Variants in MPPED1 observed in about 807,000 individuals in gnomAD.
MPPED1 encodes the protein metallophosphoesterase domain containing 1, also known as metallophosphoesterase domain-containing protein 1.
Under a neutral mutation model 36.2 loss-of-function variants are expected in MPPED1, and 16 were observed. The observed-to-expected ratio is 0.44, with a 90% CI of 0.30 to 0.67. The LOEUF is 0.67. Ranked by LOEUF, MPPED1 falls within the 30% of genes least tolerant of loss-of-function variation. The probability of loss-of-function intolerance (pLI) is 0.10; values close to 1 mark genes in which losing one functional copy is unlikely to be tolerated. For synonymous variants in MPPED1, 199 were observed against 191.3 expected, an observed-to-expected ratio of 1.04 and a Z score of -0.33; for missense variants, 307 against 453.4, an observed-to-expected ratio of 0.68 and a Z score of 2.93.
rs1929129143 is a variant in MPPED1 at position 43,417,859 on chromosome 22, A to G, written c.-79+5701A>G. The G allele has an allele frequency of 1.1e-5, 4 of 357,326 alleles. No individual in the cohort carries two copies. In the East Asian group the frequency reaches 3.0e-4, roughly 26 times the overall value. The allele number at this position is 357,326 out of a possible 1,614,324, so 22.1% of individuals were successfully genotyped here. On this transcript the variant is annotated intron_variant, in intron 1 of 6. Coordinates refer to ENST00000443721, the MANE Select transcript of MPPED1 (RefSeq NM_001044370.2). Reference sequence around the variant, plus strand: ...TATTCAGTCGCTCCTACTCTCAGTTAAAGGCCCCAAGAGGAGACGGAGCCA... The same window carrying G: ...TATTCAGTCGCTCCTACTCTCAGTTGAAGGCCCCAAGAGGAGACGGAGCCA...
At chr22:43,435,318 GC>G in intron 3 of MPPED1, 103 bp downstream of exon 3, 1 of 1,332,850 alleles carries the variant, frequency 7.5e-7, no homozygotes, top group Non-Finnish European at 1.0e-6. Flanking sequence ...CGCTGCCCGG[GC>G]CCCCTCCTTG....
chr22:43,413,008 A>G (rs1189727075), intron 1 of MPPED1, among the ~76,000 whole-genome samples: 1 of 152,164 alleles, frequency 6.6e-6, no homozygotes, highest in African/African-American at 2.4e-5. Context: ...CTCCGGGCTC[A>G]AGCTGGGTGG....
chr22:43,486,869 T>A (rs1363867871), intron 4 of MPPED1, among the ~76,000 whole-genome samples: 2 of 152,018 alleles, frequency 1.3e-5, no homozygotes, highest in Non-Finnish European at 2.9e-5. Flanking sequence ...CCGGTGCAGG[T>A]TCATGGGAGA....
chr22:43,495,425 GA>G, intron 4 of MPPED1, among the ~76,000 whole-genome samples: 1 of 150,862 alleles, frequency 6.6e-6, no homozygotes, highest in Admixed American at 6.6e-5. Context: ...GGTGGTGGTG[GA>G]GGAGGAGGTA....
intron 3 of MPPED1, among the ~76,000 whole-genome samples, chr22:43,441,755 A>G (rs186851607): frequency 3.1e-4 from 47 of 152,338 alleles, no homozygotes; most frequent in Middle Eastern, 3.4e-3. Flanking sequence ...ATTAAAATCC[A>G]TGAGGGAGGA....
At chr22:43,420,739 C>A (rs1465986987) in intron 1 of MPPED1, among the ~76,000 whole-genome samples, 2 of 152,170 alleles carry the variant, frequency 1.3e-5, no homozygotes, top group African/African-American at 4.8e-5. Context: ...TTAGTCAAAC[C>A]ATCACCCTGT....
chr22:43,476,983 C>T (rs1219845462), intron 4 of MPPED1, among the ~76,000 whole-genome samples: 1 of 152,110 alleles, frequency 6.6e-6, no homozygotes, highest in Non-Finnish European at 1.5e-5. Flanking sequence ...CTGTGCCATG[C>T]CAGGGAGTGG....
intron 4 of MPPED1, among the ~76,000 whole-genome samples, chr22:43,497,929 G>A (rs867696907): frequency 8.2e-5 from 4 of 48,754 alleles, no homozygotes; most frequent in Non-Finnish European, 1.6e-4. Context: ...ATATATATAT[G>A]TATATGTATA....
rs768499601 is a variant in MPPED1 at position 43,434,991 on chromosome 22, G to A, written c.225-43G>A. 3.8e-6 allele frequency: 6 copies of A among 1,596,666 alleles called. No homozygotes were observed. The Admixed American group carries it at 8.4e-5, about 22-fold the overall frequency. On this transcript the variant is annotated intron_variant, in intron 2 of 6. Transcript: ENST00000443721. ...GCAGACACACCACCCGCAGGCTCGCGGCTCCATGGCCTCCTGATCCGCAGT... is the reference window on the plus strand; with the variant it reads ...GCAGACACACCACCCGCAGGCTCGCAGCTCCATGGCCTCCTGATCCGCAGT...
intron 2 of MPPED1, among the ~76,000 whole-genome samples, chr22:43,430,762 G>A (rs1428418278): frequency 6.6e-6 from 1 of 152,076 alleles, no homozygotes; most frequent in Non-Finnish European, 1.5e-5. Flanking sequence ...GTCACAAAGT[G>A]TTGAGATTAG....
intron 1 of MPPED1, among the ~76,000 whole-genome samples, chr22:43,421,270 T>C (rs1029210046): frequency 6.6e-6 from 1 of 152,254 alleles, no homozygotes; most frequent in African/African-American, 2.4e-5. Flanking sequence ...TGCGGCTCCA[T>C]AAATATTAAA....
intron 1 of MPPED1, among the ~76,000 whole-genome samples, chr22:43,412,360 A>AG (rs573686837): frequency 1.1e-3 from 168 of 151,286 alleles, no homozygotes; most frequent in African/African-American, 3.6e-3. Flanking sequence ...CGGCGGCGGG[A>AG]GGGGGCTCCG....
intron 2 of MPPED1, among the ~76,000 whole-genome samples, chr22:43,432,815 A>AGAGAGAGAAAGGGAG: frequency 1.9e-5 from 2 of 105,350 alleles, no homozygotes; most frequent in African/African-American, 8.1e-5. Context: ...AAGGGAGGAG[A>AGAGAGAGAAAGGGAG]GAGAGAGAAA....
At chr22:43,436,777 G>A (rs998112169) in intron 3 of MPPED1, among the ~76,000 whole-genome samples, 1 of 152,268 alleles carries the variant, frequency 6.6e-6, no homozygotes, top group Non-Finnish European at 1.5e-5. Flanking sequence ...CCCCCGCTGT[G>A]TGCCAGGCAC....
At chr22:43,419,640 C>T (rs1929193686) in intron 1 of MPPED1, among the ~76,000 whole-genome samples, 1 of 150,620 alleles carries the variant, frequency 6.6e-6, no homozygotes, top group African/African-American at 2.5e-5. Context: ...GGGAATGGCA[C>T]GGGCAGAGGT....
In MPPED1 at chr22:43,495,515, G is replaced by A. The variant is rs1187707483; in HGVS notation, c.633-2720G>A. 1.1e-3 allele frequency among the ~76,000 whole-genome samples: 140 copies of A among 127,058 alleles called. 1 individual carries two copies. Among genetic ancestry groups the A allele is most frequent in the East Asian group, 2.4e-3 (9 of 3,720 alleles). The allele number at this position is 127,058 out of a possible 152,430, so 83.4% of individuals were successfully genotyped here. ...GGTAGTGGTGGTGGAGGTGGTGGTGGTGGTGGAGGTGGTGGTGGTGGAGAT... is the reference window on the plus strand; with the variant it reads ...GGTAGTGGTGGTGGAGGTGGTGGTGATGGTGGAGGTGGTGGTGGTGGAGAT... On this transcript the variant is annotated intron_variant, in intron 4 of 6. Transcript: ENST00000443721.
Position 43,448,180 on chromosome 22 carries a change from C to T in MPPED1, c.406+12965C>T, listed in dbSNP as rs145423554. ...CTGGGATTACAGGCGTAAGCCACTG[C>T]GCCCATCCTGGGAATCACACTTTGA... On this transcript the variant is annotated intron_variant, in intron 3 of 6. Transcript: ENST00000443721. 1.6e-3 allele frequency among the ~76,000 whole-genome samples: 240 copies of T among 152,192 alleles called. 1 individual carries two copies. Among genetic ancestry groups the T allele is most frequent in the African/African-American group, 5.0e-3 (209 of 41,522 alleles).
intron 2 of MPPED1, among the ~76,000 whole-genome samples, chr22:43,430,687 T>G (rs972870050): frequency 6.6e-6 from 1 of 152,122 alleles, no homozygotes; most frequent in South Asian, 2.1e-4. Flanking sequence ...CTTCCACGTC[T>G]TATCTCTGGT....
At chr22:43,495,710 G>A (rs1284157560) in intron 4 of MPPED1, among the ~76,000 whole-genome samples, 19 of 54,898 alleles carry the variant, frequency 3.5e-4, no homozygotes, top group Non-Finnish European at 4.7e-4. Flanking sequence ...GGTGATGGAG[G>A]TGGTGGTGGT....
Sources: allele counts gnomAD v4.1 joint callset (sites outside exome capture counted in the v4.1 genomes callset), GRCh38; gene constraint gnomAD v4.1.1; transcripts MANE v1.5; gene names NCBI Gene and HGNC (gene_info 2026-07-23, HGNC 2026-07-21).